The following TAP2 variants were observed in gnomAD, a reference collection of about 807,000 sequenced individuals.
TAP2 encodes the protein antigen peptide transporter 2.
A neutral mutation model predicts 74.7 loss-of-function variants in TAP2; 49 were observed. The observed-to-expected ratio is 0.66, with a 90% CI of 0.52 to 0.83. The LOEUF is 0.83. TAP2 is among the 40% of genes least tolerant of loss of function. The pLI, the probability that TAP2 is intolerant of heterozygous loss-of-function variation, is 0.00. For synonymous variants in TAP2, 306 were observed against 368.4 expected (o/e 0.83, Z 1.94); for missense variants, 739 against 859.0 (o/e 0.86, Z 1.75).
chr6:32,829,335 C>T, intron 11 of TAP2, 65 bp downstream of exon 11: 8 of 1,553,554 alleles, frequency 5.1e-6, no homozygotes, highest in Non-Finnish European at 7.0e-6. Flanking sequence ...CAATTCTGCA[C>T]AGTCTGATCC....
chr6:32,832,961 T>C lies in TAP2; in HGVS notation c.946-137A>G. 1.0e-6 allele frequency: 1 copy of C among 997,260 alleles called. No homozygotes were observed. 61.8% of individuals were successfully genotyped at this position (997,260 alleles called of 1,614,324 possible). On this transcript the variant is annotated intron_variant, in intron 5 of 11. Transcript: ENST00000374897. This position sits in a 1 kb window ranked among gnomAD's most constrained non-coding sequence, Gnocchi z 5.9. Reference sequence around the variant, plus strand: ...TTCTCTCCCTCTTCCTTACTCTTCTTTCCAGAAGGAATAAGAGTGAAGGAG... The same window carrying C: ...TTCTCTCCCTCTTCCTTACTCTTCTCTCCAGAAGGAATAAGAGTGAAGGAG...
chr6:32,822,970 A>T (rs1582544964), downstream of TAP2, among the ~76,000 whole-genome samples: 1 of 128,112 alleles, frequency 7.8e-6, no homozygotes, highest in South Asian at 2.4e-4. Context: ...CCCAGGCTGG[A>T]GTGCAGTGGT....
rs899440191 is a variant in TAP2, at chr6:32,830,268, T to C, written c.1634A>G (p.Gln545Arg). The change falls in exon 9 of 12, where the codon CAG becomes CGG. Residue 545 changes from glutamine to arginine, a missense_variant and splice_region_variant. Gln to Arg is a conservative substitution (Grantham distance 43). Coordinates refer to ENST00000374897, the MANE Select transcript of TAP2 (RefSeq NM_001290043.2). ...CCTGTCTTCTCCCTCCTCACCCACC[T>C]GGCTGTGCAGGTAGCAGTGTTCATA... Reference protein sequence around the residue: ...SQYEHCYLHSQVVSVGQEPVL... With the variant: ...SQYEHCYLHSRVVSVGQEPVL... 3.7e-6 allele frequency: 6 copies of C among 1,613,098 alleles called. No individual in the cohort carries two copies. Among genetic ancestry groups the C allele is most frequent in the Non-Finnish European group, 5.1e-6 (6 of 1,180,006 alleles).
Position 32,826,893 on chromosome 6 carries a change from G to T in TAP2, c.*2013C>A. 1 of 985,392 alleles carries T rather than the reference G, an allele frequency of 1.0e-6. No homozygotes were observed. The highest frequency in any genetic ancestry group is 1.7e-5 in the African/African-American group (1 of 57,330). The allele number at this position is 985,392 out of a possible 1,614,324, so 61.0% of individuals were successfully genotyped here. On this transcript the variant is annotated 3_prime_UTR_variant, in exon 12 of 12. Coordinates refer to ENST00000374897, the MANE Select transcript of TAP2 (RefSeq NM_001290043.2). ...GCTTCCATGTAGTTGGGAGATACAG[G>T]AATTATTATTCCTGTTTTATGAATA...
At position 32,826,323 on chromosome 6, in the gene TAP2, C is replaced by T; in HGVS notation, c.*2583G>A. 9.1e-6 allele frequency: 9 copies of T among 985,420 alleles called. No individual in the cohort carries two copies. In the South Asian group the frequency reaches 4.2e-4, roughly 46 times the overall value. 61.0% of individuals were successfully genotyped at this position (985,420 alleles called of 1,614,324 possible). ...CATCCAAGGAAATCTATCAGTTTCC[C>T]AAGCTTTCCCCTCTCCATTCATACT... On this transcript the variant is annotated 3_prime_UTR_variant, in exon 12 of 12. Coordinates refer to ENST00000374897, the MANE Select transcript of TAP2 (RefSeq NM_001290043.2).
Position 32,835,403 on chromosome 6 carries a change from C to T in TAP2, c.740-44G>A. 6.2e-7 allele frequency: 1 copy of T among 1,602,934 alleles called. No homozygotes were observed. The highest frequency in any genetic ancestry group is 8.5e-7 in the Non-Finnish European group (1 of 1,171,538). Reference sequence around the variant, plus strand: ...GTGAGGAAAAAGGAAACCATGTGTACTGCAGGGCCCCCAGAAACTCCCTCC... The same window carrying T: ...GTGAGGAAAAAGGAAACCATGTGTATTGCAGGGCCCCCAGAAACTCCCTCC... On this transcript the variant is annotated intron_variant, in intron 4 of 11. Coordinates refer to ENST00000374897, the MANE Select transcript of TAP2 (RefSeq NM_001290043.2). The surrounding 1 kb of genome is among the most constrained non-coding windows in gnomAD (Gnocchi z 4.0).
chr6:32,826,824 A>G lies in TAP2; in HGVS notation c.*2082T>C. 5.1e-6 allele frequency: 5 copies of G among 985,444 alleles called. No individual in the cohort carries two copies. The highest frequency in any genetic ancestry group is 6.0e-6 in the Non-Finnish European group (5 of 829,926). 61.0% of individuals were successfully genotyped at this position (985,444 alleles called of 1,614,324 possible). A position where few individuals can be genotyped will look rare whatever the true frequency, so the allele number is the denominator to read the frequency against. ...ATGCATGGGTATAACTGTACTGAGG[A>G]AATCAAAGAATTTCTCAGATCATCT... On this transcript the variant is annotated 3_prime_UTR_variant, in exon 12 of 12. Transcript: ENST00000374897.
chr6:32,823,282 G>A (rs183202813), downstream of TAP2, among the ~76,000 whole-genome samples: 236 of 152,218 alleles, frequency 1.6e-3, 1 homozygote, highest in African/African-American at 5.4e-3. Flanking sequence ...TCTATTGGTA[G>A]TACATTTCTG....
At chr6:32,837,678 A>G in intron 2 of TAP2, 27 bp from the exon 3 acceptor site, 1 of 1,614,156 alleles carries the variant, frequency 6.2e-7, no homozygotes, top group Non-Finnish European at 8.5e-7. Flanking sequence ...AAATAACACA[A>G]GAATGTGCTG....
chr6:32,830,412 T>C lies in TAP2; in HGVS notation c.1490A>G (p.Glu497Gly). 6.2e-7 allele frequency: 1 copy of C among 1,612,434 alleles called. No individual in the cohort carries two copies. The highest frequency in any genetic ancestry group is 8.5e-7 in the Non-Finnish European group (1 of 1,179,998). The change falls in exon 9 of 12, where the codon GAG becomes GGG. Residue 497 changes from glutamate (E) to glycine (G), a missense_variant. By Grantham distance (98) the Glu-to-Gly change is moderately conservative (BLOSUM62 -2). Coordinates refer to ENST00000374897, the MANE Select transcript of TAP2 (RefSeq NM_001290043.2). ...ATTGGGTCCCACCAGCGCCGTCACC[T>C]CACCAGGACGTAGGGTAAACGTCAG... ...KGLTFTLRPG[E>G]VTALVGPNGS...
chr6:32,831,312 C>G (rs1769063090), intron 7 of TAP2, among the ~76,000 whole-genome samples: 1 of 152,238 alleles, frequency 6.6e-6, no homozygotes, highest in African/African-American at 2.4e-5. Flanking sequence ...CCTCATCAAA[C>G]TGTACCACCG....
chr6:32,838,552 A>C, intron 1 of TAP2, 101 bp downstream of exon 1: 102 of 306,160 alleles, frequency 3.3e-4, no homozygotes, highest in Middle Eastern at 1.8e-3. Context: ...GCTCCCTCCT[A>C]TCGCCGGGTG....
chr6:32,829,669 TG>T, intron 10 of TAP2, 133 bp from the exon 11 acceptor site: 1 of 1,401,242 alleles, frequency 7.1e-7, no homozygotes. Flanking sequence ...GAGGGCCCAG[TG>T]GGAGGAGGGC....
In TAP2 at chr6:32,829,495, G is replaced by A. The variant is rs763365550; in HGVS notation, c.1837C>T (p.Gln613Ter). The change falls in exon 11 of 12, where the codon CAA becomes TAA. Residue 613 changes from glutamine (Q) to a stop codon, truncating the protein, a stop_gained. Transcript: ENST00000374897. LOFTEE classifies it high-confidence loss of function. Reference protein sequence around the residue: ...KGSQLAAGQKQRLAIARALVR... With the variant: ...KGSQLAAGQK ...AGGGCCCGGGCAATGGCCAGACGTTGTTTCTGTCCCGCAGCCAGCTGGCTT... is the reference window on the plus strand; with the variant it reads ...AGGGCCCGGGCAATGGCCAGACGTTATTTCTGTCCCGCAGCCAGCTGGCTT... 1.2e-6 allele frequency: 2 copies of A among 1,614,180 alleles called. No individual in the cohort carries two copies. Among genetic ancestry groups the A allele is most frequent in the Admixed American group, 3.3e-5 (2 of 60,020 alleles).
Position 32,835,463 on chromosome 6 carries a change from A to C in TAP2, c.740-104T>G, listed in dbSNP as rs147982035. 3.5e-3 allele frequency: 5,121 copies of C among 1,452,948 alleles called. 63 individuals are homozygous for C. The highest frequency in any genetic ancestry group is 0.029 in the African/African-American group (2,101 of 71,646). The allele number at this position is 1,452,948 out of a possible 1,614,324, so 90.0% of individuals were successfully genotyped here. On this transcript the variant is annotated intron_variant, in intron 4 of 11. Transcript: ENST00000374897. The surrounding 1 kb of genome is among the most constrained non-coding windows in gnomAD (Gnocchi z 4.0). ...CCTCTGACACAGCCCCCTCCTCTGA[A>C]CATCCTCCTTCACTTGCAGAGGGAC...
chr6:32,829,990 C>T lies in TAP2; in HGVS notation c.1735G>A (p.Ala579Thr), dbSNP rs758318646. The T allele has an allele frequency of 5.0e-6, 8 of 1,612,992 alleles. No homozygotes were observed. Among genetic ancestry groups the T allele is most frequent in the Admixed American group, 1.7e-5 (1 of 60,012 alleles). ...QSCEDDKVMA[A>T]AQAAHADDFI... ...TCATCTGCGTGGGCAGCCTGGGCAG[C>T]CGCCATCACCTTATCATCTTCGCAG... The change falls in exon 10 of 12, where the codon GCT becomes ACT. Residue 579 changes from alanine (A) to threonine (T), a missense_variant. Ala to Thr is a moderately conservative substitution (Grantham distance 58, BLOSUM62 0). Coordinates refer to ENST00000374897, the MANE Select transcript of TAP2 (RefSeq NM_001290043.2).
chr6:32,837,221 A>G (rs920756603), intron 3 of TAP2, among the ~76,000 whole-genome samples: 1 of 152,188 alleles, frequency 6.6e-6, no homozygotes, highest in Non-Finnish European at 1.5e-5. Flanking sequence ...GCAGAAAGAA[A>G]TGGAATTTCA....
Position 32,828,675 on chromosome 6 carries a change from G to GCCGC in TAP2, c.*230_*231insGCGG. ...GAATTAAGTTTCCTGGACACAGACA[G>GCCGC]CCCCCACCCCACCCCACCCCACCTC... On this transcript the variant is annotated 3_prime_UTR_variant, in exon 12 of 12. Transcript: ENST00000374897. 1.7e-5 allele frequency: 15 copies of GCCGC among 884,262 alleles called. No homozygotes were observed. The highest frequency in any genetic ancestry group is 2.0e-5 in the Non-Finnish European group (15 of 735,222). The allele number at this position is 884,262 out of a possible 1,614,324, so 54.8% of individuals were successfully genotyped here. A position where few individuals can be genotyped will look rare whatever the true frequency, so the allele number is the denominator to read the frequency against.
intron 3 of TAP2, among the ~76,000 whole-genome samples, chr6:32,836,190 A>G (rs9296049): frequency 0.011 from 1,632 of 152,086 alleles, 28 homozygotes; most frequent in African/African-American, 0.03. Flanking sequence ...CCCATACCCA[A>G]AGCCCTTCTC....
Sources: allele counts gnomAD v4.1 joint callset (sites outside exome capture counted in the v4.1 genomes callset), GRCh38; gene constraint gnomAD v4.1.1; non-coding constraint Gnocchi (gnomAD v3.1); transcripts MANE v1.5; gene names NCBI Gene and HGNC (gene_info 2026-07-23, HGNC 2026-07-21).